Variants in HPD observed in about 807,000 individuals in gnomAD.
HPD encodes 4-hydroxyphenylpyruvate dioxygenase.
In HPD, 35 loss-of-function variants were observed where a neutral mutation model predicts 56.9. The ratio of observed to expected loss-of-function variants is 0.62; its 90% CI spans 0.47 to 0.82. The LOEUF is 0.82. Ranked by LOEUF, HPD falls within the 40% of genes least tolerant of loss-of-function variation. The pLI is 0.00. For missense variants in HPD, 442 were observed against 506.8 expected, an observed-to-expected ratio of 0.87 and a Z score of 1.23; for synonymous variants, 186 against 200.2, an observed-to-expected ratio of 0.93 and a Z score of 0.60.
At chr12:121,873,015 C>T in the HPD span, among the ~76,000 whole-genome samples, 1 of 152,068 alleles carries the variant, frequency 6.6e-6, no homozygotes, top group Admixed American at 6.6e-5. Context: ...GAAACAATAA[C>T]ACCACCACCA....
At chr12:121,851,105 C>T (rs865961491) in intron 7 of HPD, among the ~76,000 whole-genome samples, 10 of 151,972 alleles carry the variant, frequency 6.6e-5, no homozygotes, top group South Asian at 2.1e-4. Flanking sequence ...TCAGGTGATC[C>T]GCCCCCTTGG....
the HPD span, among the ~76,000 whole-genome samples, chr12:121,869,842 A>G: frequency 6.6e-6 from 1 of 152,128 alleles, no homozygotes; most frequent in Non-Finnish European, 1.5e-5. Context: ...TCTTAATTGT[A>G]TTATTTTTAG....
At chr12:121,864,073 CAAAAAA>C (rs748278452), upstream of HPD, among the ~76,000 whole-genome samples, 6 of 71,346 alleles carry the variant, frequency 8.4e-5, no homozygotes, top group Non-Finnish European at 1.6e-4. Flanking sequence ...ACTAAAAATA[CAAAAAA>C]AAAAAAAAAA....
intron 10 of HPD, 27 bp downstream of exon 10, chr12:121,847,025 C>G: frequency 6.2e-7 from 1 of 1,614,100 alleles, no homozygotes; most frequent in East Asian, 2.2e-5. Context: ...CCCTGCTCCC[C>G]TCTCCCCCAG....
chr12:121,849,161 C>G, intron 8 of HPD, 85 bp from the exon 9 acceptor site: 1 of 813,038 alleles, frequency 1.2e-6, no homozygotes, highest in Non-Finnish European at 2.2e-6. Context: ...ATAATAATAG[C>G]TCACACTTCT....
rs1877359150 is a variant in HPD, at chr12:121,840,112, C to T, written c.955-64G>A. 3.7e-6 allele frequency: 4 copies of T among 1,079,154 alleles called. No homozygotes were observed. The Admixed American group carries it at 6.7e-5, about 18-fold the overall frequency. The allele number at this position is 1,079,154 out of a possible 1,614,324, so 66.8% of individuals were successfully genotyped here. A position where few individuals can be genotyped will look rare whatever the true frequency, so the allele number is the denominator to read the frequency against. ...CACGGTGAGATCCTTGGAAAGTCCA[C>T]AGGGGCTCCTGCACCCCAAAAGTCT... On this transcript the variant is annotated intron_variant, in intron 12 of 13. Coordinates refer to ENST00000289004, the MANE Select transcript of HPD (RefSeq NM_002150.3).
Position 121,854,807 on chromosome 12 carries a change from G to A in HPD, c.325-15C>T, listed in dbSNP as rs751129052. 6.9e-6 allele frequency: 11 copies of A among 1,604,064 alleles called. No individual in the cohort carries two copies. Among genetic ancestry groups the A allele is most frequent in the Non-Finnish European group, 6.0e-6 (7 of 1,171,052 alleles). ...TCCCGTGCTTTCTGCAGAGAAGATG[G>A]GATCGGGGAATTGGTGAGGGCTGGA... On this transcript the variant is annotated splice_polypyrimidine_tract_variant and intron_variant, in intron 6 of 13. Transcript: ENST00000289004.
the HPD span, among the ~76,000 whole-genome samples, chr12:121,882,516 C>T: frequency 6.6e-6 from 1 of 152,168 alleles, no homozygotes; most frequent in Non-Finnish European, 1.5e-5. Flanking sequence ...AGGGGAAAGA[C>T]AGCTCTCTCA....
intron 12 of HPD, among the ~76,000 whole-genome samples, chr12:121,840,596 T>C (rs1877375558): frequency 6.6e-6 from 1 of 151,670 alleles, no homozygotes; most frequent in Non-Finnish European, 1.5e-5. Context: ...CACCATGACC[T>C]GCTGCGGGAT....
upstream of HPD, among the ~76,000 whole-genome samples, chr12:121,865,882 G>A (rs537967900): frequency 2.6e-5 from 4 of 152,138 alleles, no homozygotes; most frequent in South Asian, 2.1e-4. Flanking sequence ...CCATCTACTC[G>A]AGAGGCTGAG....
At chr12:121,879,157 C>T in the HPD span, among the ~76,000 whole-genome samples, 1 of 151,900 alleles carries the variant, frequency 6.6e-6, no homozygotes, top group African/African-American at 2.4e-5. Context: ...TGGTGGTGGG[C>T]ACCTGTAATC....
chr12:121,870,101 T>A, the HPD span, among the ~76,000 whole-genome samples: 1 of 151,596 alleles, frequency 6.6e-6, no homozygotes, highest in African/African-American at 2.4e-5. Flanking sequence ...TTTTTTTTTT[T>A]AGCTTAAAAG....
intron 7 of HPD, among the ~76,000 whole-genome samples, chr12:121,853,618 T>A (rs1877885612): frequency 8.9e-6 from 1 of 111,846 alleles, no homozygotes; most frequent in Admixed American, 1.1e-4. Flanking sequence ...CGAGACTCCA[T>A]CTCAAAAAAA....
At chr12:121,879,909 G>A in the HPD span, among the ~76,000 whole-genome samples, 1 of 152,176 alleles carries the variant, frequency 6.6e-6, no homozygotes, top group Non-Finnish European at 1.5e-5. Context: ...CAGCACTTTG[G>A]GAGGCAGAGG....
rs759520804 is a variant in HPD at position 121,849,795 on chromosome 12, G to T, written c.415-5C>A. On this transcript the variant is annotated splice_region_variant and splice_polypyrimidine_tract_variant and intron_variant, in intron 7 of 13. Coordinates refer to ENST00000289004, the MANE Select transcript of HPD (RefSeq NM_002150.3). ...GGTGTGTGTGGTGTCCCCATACTAC[G>T]GGTGGAAAACAGCCTGGCTCGGCCC... 4.4e-6 allele frequency: 7 copies of T among 1,604,330 alleles called. No individual in the cohort carries two copies. The highest frequency in any genetic ancestry group is 1.7e-5 in the Admixed American group (1 of 59,950).
intron 3 of HPD, 22 bp downstream of exon 3, chr12:121,857,735 A>T: frequency 6.2e-7 from 1 of 1,609,092 alleles, no homozygotes; most frequent in Non-Finnish European, 8.5e-7. Flanking sequence ...TGCTCACTCC[A>T]GCACCTTGCC....
upstream of HPD, chr12:121,858,945 C>G (rs1241242693): frequency 8.8e-7 from 1 of 1,141,374 alleles, no homozygotes; most frequent in East Asian, 2.4e-5. Context: ...GGGTGGGGAG[C>G]TGAGCCCAGC....
the HPD span, among the ~76,000 whole-genome samples, chr12:121,880,441 G>A: frequency 1.3e-3 from 203 of 152,034 alleles, 5 homozygotes; most frequent in East Asian, 0.036. Flanking sequence ...TGATCCACCC[G>A]CCTTGGCCTC....
chr12:121,865,593 GA>G (rs749573130), upstream of HPD, among the ~76,000 whole-genome samples: 479 of 146,948 alleles, frequency 3.3e-3, 14 homozygotes, highest in East Asian at 0.065. Flanking sequence ...CAAAAAAAAG[GA>G]AAAAAAAAAA....
Sources: gnomAD v4.1 joint callset for allele counts (sites outside exome capture counted in the v4.1 genomes callset) on GRCh38, gnomAD v4.1.1 for gene constraint, MANE v1.5 for transcripts, NCBI Gene and HGNC (gene_info 2026-07-23, HGNC 2026-07-21) for gene names.